The following CEP290 variants were observed in gnomAD, a reference collection of about 807,000 sequenced individuals.
CEP290 encodes the protein centrosomal protein of 290 kDa.
In CEP290, 317 loss-of-function variants were observed where a neutral mutation model predicts 344.9. The observed-to-expected ratio is 0.92, with a 90% CI of 0.84 to 1.01. CEP290 has a LOEUF of 1.01. Among genes scored for constraint, CEP290 ranks in the 50% least tolerant of loss-of-function variants. CEP290 has a pLI of 0.00. For missense variants in CEP290, 2,754 were observed against 2,761.4 expected (o/e 1.00, Z 0.06); for synonymous variants, 932 against 895.8 (o/e 1.04, Z -0.72).
chr12:88,102,565 A>G (rs764756148), intron 26 of CEP290, among the ~76,000 whole-genome samples: 1 of 152,170 alleles, frequency 6.6e-6, no homozygotes, highest in Non-Finnish European at 1.5e-5. Flanking sequence ...ATTCAGCTAA[A>G]TCATGCAAGT....
chr12:88,090,879 C>T lies in CEP290; in HGVS notation c.3462-40G>A, dbSNP rs1488579797. On this transcript the variant is annotated intron_variant, in intron 29 of 53. Transcript: ENST00000552810. ...GGTATTTCAGGAACAATTAAGTACA[C>T]TTTCTAAGTAAATGCCAAAATTCAA... is the stretch of plus-strand genomic sequence containing the variant. 5 of 1,283,840 alleles carry T rather than the reference C, an allele frequency of 3.9e-6. No homozygotes were observed. In the South Asian group the frequency reaches 7.1e-5, roughly 18 times the overall value. The allele number at this position is 1,283,840 out of a possible 1,614,324, so 79.5% of individuals were successfully genotyped here.
intron 36 of CEP290, among the ~76,000 whole-genome samples, 174 bp from the exon 37 acceptor site, chr12:88,083,404 A>G (rs1450844821): frequency 6.6e-6 from 1 of 152,204 alleles, no homozygotes; most frequent in African/African-American, 2.4e-5. Context: ...TATTATTTGT[A>G]TTTACAATAG....
chr12:88,108,801 T>C (rs2038470185), intron 23 of CEP290, among the ~76,000 whole-genome samples: 1 of 152,098 alleles, frequency 6.6e-6, no homozygotes, highest in Admixed American at 6.6e-5. Flanking sequence ...GAGACACAGA[T>C]AGGTAAGATG....
At position 88,086,163 on chromosome 12, in the gene CEP290, G is replaced by A; in HGVS notation, c.4313C>T (p.Ala1438Val). 6.2e-7 allele frequency: 1 copy of A among 1,610,396 alleles called. No individual in the cohort carries two copies. Among genetic ancestry groups the A allele is most frequent in the East Asian group, 2.2e-5 (1 of 44,792 alleles). ...ILNAAQKFEE[A>V]TGSIPDPSLP... ...ACTAGGGTCAGGGATTGATCCTGTAGCTTCTTCAAACTATTAAGAAATAGT... is the reference window on the plus strand; with the variant it reads ...ACTAGGGTCAGGGATTGATCCTGTAACTTCTTCAAACTATTAAGAAATAGT... The change falls in exon 34 of 54, where the codon GCT becomes GTT. Residue 1438 changes from alanine (A) to valine (V), a missense_variant. Coordinates refer to ENST00000552810, the MANE Select transcript of CEP290 (RefSeq NM_025114.4).
chr12:88,071,864 T>G lies in CEP290; in HGVS notation c.5772A>C (p.Gly1924=). The part of the protein sequence containing the change: ...EGKKWQAKIE[G]IRNKLKEKEG... ...CTTTCTCTTTTAACTTGTTTCGAAT[T>G]CCTTCTATTTTGGCTTGCCACTTTT... The change falls in exon 42 of 54, where the codon GGA becomes GGC. Residue 1924 remains glycine (G), a synonymous_variant. Coordinates refer to ENST00000552810, the MANE Select transcript of CEP290 (RefSeq NM_025114.4). The G allele has an allele frequency of 6.2e-7, 1 of 1,605,054 alleles. No homozygotes were observed. The highest frequency in any genetic ancestry group is 8.5e-7 in the Non-Finnish European group (1 of 1,176,372).
intron 37 of CEP290, among the ~76,000 whole-genome samples, chr12:88,081,257 TTTGAGAAA>T (rs1278450075): frequency 1.3e-5 from 2 of 152,172 alleles, no homozygotes; most frequent in Non-Finnish European, 2.9e-5. Flanking sequence ...ATCCTCTATA[TTTGAGAAA>T]TACTGCCCTA....
chr12:88,080,974 T>A (rs2036158239), intron 37 of CEP290, among the ~76,000 whole-genome samples: 1 of 152,202 alleles, frequency 6.6e-6, no homozygotes, highest in Non-Finnish European at 1.5e-5. Context: ...TAGTCAAATA[T>A]ACAGAGAATG....
At chr12:88,055,809 A>C (rs1184101299) in intron 49 of CEP290, 92 bp from the exon 50 acceptor site, 1 of 870,990 alleles carries the variant, frequency 1.1e-6, no homozygotes, top group African/African-American at 1.8e-5. Flanking sequence ...AAAAATAAGC[A>C]AGAATATCTT....
intron 13 of CEP290, among the ~76,000 whole-genome samples, chr12:88,123,418 T>C (rs1360531307): frequency 1.1e-4 from 17 of 152,142 alleles, no homozygotes; most frequent in Admixed American, 1.1e-3. Context: ...AAATGACCAT[T>C]GCTAAGTCCA....
intron 32 of CEP290, among the ~76,000 whole-genome samples, chr12:88,086,956 T>C (rs1422051859): frequency 6.6e-6 from 1 of 152,172 alleles, no homozygotes; most frequent in African/African-American, 2.4e-5. Flanking sequence ...TATTTAGGAA[T>C]CTGGATAGTA....
rs1277316340 is a variant in CEP290 at position 88,130,352 on chromosome 12, TA to T, written c.584del (p.Leu195TyrfsTer31). The T allele has an allele frequency of 2.5e-6, 4 of 1,610,906 alleles. No homozygotes were observed. The highest frequency in any genetic ancestry group is 3.4e-6 in the Non-Finnish European group (4 of 1,178,858). On this transcript the variant is annotated frameshift_variant, in exon 9 of 54. Transcript: ENST00000552810. LOFTEE classifies it high-confidence loss of function. ...KQIDSQKETL[L>X]SRRGEDSDYR... ...AGTCACTGTCTTCCCCTCTTCTTGA[TA>T]AAAGTGTTTCTTTCTGTGAATCTAT...
chr12:88,065,243 G>A (rs953285014), intron 44 of CEP290, among the ~76,000 whole-genome samples: 9 of 151,302 alleles, frequency 5.9e-5, no homozygotes, highest in African/African-American at 2.2e-4. Context: ...TTACTCCACC[G>A]ACATTATGGG....
At chr12:88,113,031 C>A (rs2038803601) in intron 20 of CEP290, among the ~76,000 whole-genome samples, 1 of 152,042 alleles carries the variant, frequency 6.6e-6, no homozygotes, top group Admixed American at 6.6e-5. Context: ...GTCATGGATT[C>A]TGAAGATTTC....
At chr12:88,062,547 G>A (rs2034558367) in intron 46 of CEP290, 145 bp downstream of exon 46, 1 of 595,254 alleles carries the variant, frequency 1.7e-6, no homozygotes, top group South Asian at 2.3e-5. Flanking sequence ...AATGCTTACT[G>A]TTTTATATTA....
rs777700472 is a variant in CEP290 at position 88,049,301 on chromosome 12, T to C, written c.7323A>G (p.Leu2441=). The part of the protein sequence containing the change: ...YKEEVKKNIL[L]EEKVKKLSEQ... The stretch of plus-strand genomic sequence containing the variant: ...CTGAAAGTTTTTTTACCTTCTCTTC[T>C]AAGAGAATATTCTTCTTCACTTCTT... The change falls in exon 54 of 54, where the codon TTA becomes TTG. Residue 2441 remains leucine, a synonymous_variant. Transcript: ENST00000552810. 2 of 1,586,894 alleles carry C rather than the reference T, an allele frequency of 1.3e-6. No individual in the cohort carries two copies. The highest frequency in any genetic ancestry group is 2.7e-5 in the African/African-American group (2 of 74,552).
In CEP290 at chr12:88,114,467, CTT is replaced by C; in HGVS notation, c.2003_2004del (p.Lys668ArgfsTer10). 6.5e-7 allele frequency: 1 copy of C among 1,547,210 alleles called. No homozygotes were observed. Among genetic ancestry groups the C allele is most frequent in the Middle Eastern group, 1.7e-4 (1 of 5,974 alleles). On this transcript the variant is annotated frameshift_variant, in exon 20 of 54. Transcript: ENST00000552810. LOFTEE classifies it high-confidence loss of function. ...IKEMQKDPDV[K>X]GGETSLIIPS... ...GGGATAATTAGAGATGTTTCTCCTC[CTT>C]TAACATCAGGATCTTTCTGCATTTC...
intron 45 of CEP290, among the ~76,000 whole-genome samples, chr12:88,062,999 T>C (rs2034598570): frequency 6.6e-6 from 1 of 152,120 alleles, no homozygotes; most frequent in Non-Finnish European, 1.5e-5. Flanking sequence ...TATTGCCTGA[T>C]GCAATAATAC....
chr12:88,101,831 C>T (rs1056814751), intron 26 of CEP290, among the ~76,000 whole-genome samples: 5 of 152,076 alleles, frequency 3.3e-5, no homozygotes, highest in Non-Finnish European at 7.4e-5. Context: ...TAAATTATCA[C>T]CACACTAAAT....
intron 29 of CEP290, among the ~76,000 whole-genome samples, chr12:88,091,862 G>T (rs968722261): frequency 1.3e-5 from 2 of 152,050 alleles, no homozygotes; most frequent in African/African-American, 4.8e-5. Flanking sequence ...AATTACAAAA[G>T]AGAATGAAAA....
Sources: gnomAD v4.1 joint callset for allele counts (sites outside exome capture counted in the v4.1 genomes callset) on GRCh38, gnomAD v4.1.1 for gene constraint, MANE v1.5 for transcripts, NCBI Gene and HGNC (gene_info 2026-07-23, HGNC 2026-07-21) for gene names.